The following PDZK1 variants were observed in gnomAD, a reference collection of about 807,000 sequenced individuals.
PDZK1 encodes Na(+)/H(+) exchange regulatory cofactor NHE-RF3.
Under a neutral mutation model 38.1 loss-of-function variants are expected in PDZK1, and 23 were observed. The observed-to-expected ratio is 0.60, with a 90% CI of 0.43 to 0.85. The LOEUF is 0.85. Among genes scored for constraint, PDZK1 ranks in the 40% least tolerant of loss-of-function variants. The pLI is 0.00. For missense variants in PDZK1, 297 were observed against 504.3 expected, an observed-to-expected ratio of 0.59 and a Z score of 3.94; for synonymous variants, 98 against 186.2, an observed-to-expected ratio of 0.53 and a Z score of 3.86.
rs781891849 is a variant in PDZK1, at chr1:145,686,706, C to G, written c.231G>C (p.Lys77Asn). The G allele has an allele frequency of 9.7e-6, 15 of 1,541,298 alleles. No homozygotes were observed. The South Asian group carries it at 1.4e-4, about 14-fold the overall frequency. The change falls in exon 3 of 9, where the codon AAG becomes AAC. Residue 77 changes from lysine to asparagine, a missense_variant. Physicochemically the swap from Lys to Asn is moderately conservative, Grantham distance 94. Transcript: ENST00000417171. ...EHMQVVDLVR[K>N]SGNSVTLLVL... is the part of the protein sequence containing the mutation. ...CTAGTAAAGTCACTGAATTCCCACT[C>G]TTTCTGACCAGATCCACAACCTAGG...
chr1:145,676,315 A>T (rs1226378980), intron 6 of PDZK1: 1 of 202,580 alleles, frequency 4.9e-6, no homozygotes, highest in Non-Finnish European at 8.7e-6. Context: ...GCCGCCTCTG[A>T]TTTCTGCTTG....
At chr1:145,677,288 C>A (rs1653777784) in intron 6 of PDZK1, among the ~76,000 whole-genome samples, 1 of 151,570 alleles carries the variant, frequency 6.6e-6, no homozygotes, top group South Asian at 2.1e-4. Flanking sequence ...ATTCTTATTT[C>A]TTTAGTTTTC....
chr1:145,694,403 A>G (rs1488580997), intron 1 of PDZK1, among the ~76,000 whole-genome samples: 1 of 152,132 alleles, frequency 6.6e-6, no homozygotes, highest in Non-Finnish European at 1.5e-5. Context: ...TCTGTTTGGG[A>G]TCATGAACAT....
chr1:145,694,349 C>A (rs1655490324), intron 1 of PDZK1, among the ~76,000 whole-genome samples: 1 of 152,186 alleles, frequency 6.6e-6, no homozygotes, highest in South Asian at 2.1e-4. Context: ...CTTCCCTTTC[C>A]CAAACAATTA....
At chr1:145,686,808 C>T in intron 2 of PDZK1, 82 bp from the exon 3 acceptor site, 1 of 682,970 alleles carries the variant, frequency 1.5e-6, no homozygotes, top group Non-Finnish European at 2.5e-6. Context: ...GGCTCAATAT[C>T]TGGCCCTGGA....
rs782564876 is a variant in PDZK1, at chr1:145,687,796, C to T, written c.210+16G>A. The T allele has an allele frequency of 4.4e-6, 7 of 1,593,804 alleles. No homozygotes were observed. Among genetic ancestry groups the T allele is most frequent in the East Asian group, 2.2e-5 (1 of 44,794 alleles). On this transcript the variant is annotated intron_variant, in intron 2 of 8. Transcript: ENST00000417171. ...TGAAGAGATCCTGGAAGAAAAGCCC[C>T]AAATGTCTCATTCACCTGCATATGT...
rs1294655257 is a variant in PDZK1 at position 145,686,448 on chromosome 1, C to T, written c.460+29G>A. 9 of 1,599,674 alleles carry T rather than the reference C, an allele frequency of 5.6e-6. No individual in the cohort carries two copies. The Admixed American group carries it at 1.2e-4, about 21-fold the overall frequency. On this transcript the variant is annotated intron_variant, in intron 3 of 8. Coordinates refer to ENST00000417171, the MANE Select transcript of PDZK1 (RefSeq NM_001201325.2). ...GCCTGTTGTCTGTGCCCTGCCCCTG[C>T]CTCCCCCTGCTCCCCAAAAAATTCT...
intron 3 of PDZK1, among the ~76,000 whole-genome samples, chr1:145,682,928 C>G (rs1179891980): frequency 3.3e-5 from 5 of 152,160 alleles, no homozygotes; most frequent in Admixed American, 6.5e-5. Context: ...GGGAGTAACA[C>G]AGAGATCTAC....
In PDZK1 at chr1:145,697,596, G is replaced by A. The variant is rs991391401; in HGVS notation, c.-2-9573C>T. Among the ~76,000 whole-genome samples the A allele has an allele frequency of 5.3e-5, 8 of 151,468 alleles. No individual in the cohort carries two copies. The East Asian group carries it at 9.7e-4, about 18-fold the overall frequency. On this transcript the variant is annotated intron_variant, in intron 1 of 8. Coordinates refer to ENST00000417171, the MANE Select transcript of PDZK1 (RefSeq NM_001201325.2). ...GTGGATACCAAGTAACAGAAGCAAC[G>A]AATATTGATATTTTATTTTTTGAGA...
chr1:145,700,159 C>G (rs892724372), intron 1 of PDZK1, among the ~76,000 whole-genome samples: 1 of 152,214 alleles, frequency 6.6e-6, no homozygotes, highest in Non-Finnish European at 1.5e-5. Flanking sequence ...TCTCTATCTA[C>G]TCAGTCCAGA....
At chr1:145,673,214 G>A (rs1204600044) in intron 7 of PDZK1, among the ~76,000 whole-genome samples, 194 bp from the exon 8 acceptor site, 2 of 152,144 alleles carry the variant, frequency 1.3e-5, no homozygotes, top group Admixed American at 1.3e-4. Flanking sequence ...ATATTCACAT[G>A]ATTAGTGGTA....
intron 2 of PDZK1, among the ~76,000 whole-genome samples, chr1:145,687,300 A>G (rs1439383553): frequency 4.6e-5 from 7 of 151,522 alleles, no homozygotes; most frequent in African/African-American, 1.7e-4. Context: ...CGGGCGGATC[A>G]CGAGGTCAGG....
At chr1:145,689,811 C>T (rs1173674119) in intron 1 of PDZK1, among the ~76,000 whole-genome samples, 1 of 152,120 alleles carries the variant, frequency 6.6e-6, no homozygotes, top group Non-Finnish European at 1.5e-5. Context: ...GCTCCAGGCA[C>T]CCTAGAAGCC....
intron 1 of PDZK1, among the ~76,000 whole-genome samples, chr1:145,705,407 T>C (rs1656191164): frequency 2.6e-5 from 4 of 152,084 alleles, no homozygotes; most frequent in Non-Finnish European, 5.9e-5. Context: ...AGATGATTTC[T>C]GATGGTACAC....
rs782054372 is a variant in PDZK1, at chr1:145,686,515, T to A, written c.422A>T (p.Glu141Val). ...CAGAGAGAAGCCATAGCTGCCTCCT[T>A]CCTTCACGAGATAGCAGAGCCGGGG... is the stretch of plus-strand genomic sequence containing the variant. ...TQPRLCYLVK[E>V]GGSYGFSLKT... Residue 141 changes from glutamate to valine, a missense_variant, in exon 3 of 9, where the codon GAA becomes GTA. Around this residue, in one of 5 missense-constraint regions of PDZK1, gnomAD observed 159 missense variants for 200.0 expected, o/e 0.79. Coordinates refer to ENST00000417171, the MANE Select transcript of PDZK1 (RefSeq NM_001201325.2). 4.8e-5 allele frequency: 78 copies of A among 1,611,894 alleles called. No homozygotes were observed. The highest frequency in any genetic ancestry group is 6.3e-5 in the Non-Finnish European group (74 of 1,179,872).
rs370743438 is a variant in PDZK1 at position 145,702,631 on chromosome 1, C to T, written c.-3+4686G>A. Reference sequence around the variant, plus strand: ...AAGCTCGGCCGGGTGCAGTGGCTCACGCCTGTAATCCCAGCACTTTGGGAG... The same window carrying T: ...AAGCTCGGCCGGGTGCAGTGGCTCATGCCTGTAATCCCAGCACTTTGGGAG... On this transcript the variant is annotated intron_variant, in intron 1 of 8. Coordinates refer to ENST00000417171, the MANE Select transcript of PDZK1 (RefSeq NM_001201325.2). Among the ~76,000 whole-genome samples, 51 of 152,240 alleles carry T rather than the reference C, an allele frequency of 3.3e-4. No individual in the cohort carries two copies. In the East Asian group the frequency reaches 4.6e-3, roughly 14 times the overall value.
At chr1:145,672,008 T>C (rs1432276923) in intron 8 of PDZK1, among the ~76,000 whole-genome samples, 2 of 152,028 alleles carry the variant, frequency 1.3e-5, no homozygotes, top group Admixed American at 1.3e-4. Context: ...AGAACAACAT[T>C]GAATTAAACT....
At chr1:145,672,263 A>G (rs879966542) in intron 8 of PDZK1, among the ~76,000 whole-genome samples, 11 of 152,012 alleles carry the variant, frequency 7.2e-5, no homozygotes, top group Admixed American at 4.6e-4. Context: ...TTACATGCTC[A>G]CTATGAGCCA....
rs782461194 is a variant in PDZK1 at position 145,686,465 on chromosome 1, A to G, written c.460+12T>C. On this transcript the variant is annotated intron_variant, in intron 3 of 8. Coordinates refer to ENST00000417171, the MANE Select transcript of PDZK1 (RefSeq NM_001201325.2). ...TGCCCCTGCCTCCCCCTGCTCCCCA[A>G]AAAATTCTCACCTTGGACAGTTTTC... 3 of 1,611,410 alleles carry G rather than the reference A, an allele frequency of 1.9e-6. No individual in the cohort carries two copies. The Admixed American group carries it at 5.0e-5, about 27-fold the overall frequency.
Sources: gnomAD v4.1 joint callset for allele counts (sites outside exome capture counted in the v4.1 genomes callset) on GRCh38, gnomAD v4.1.1 for gene constraint, gnomAD v4.1.1 regional missense constraint, MANE v1.5 for transcripts, NCBI Gene and HGNC (gene_info 2026-07-23, HGNC 2026-07-21) for gene names.